Variants in ADAMTS9 observed in about 807,000 individuals in gnomAD.
ADAMTS9 encodes ADAM metallopeptidase with thrombospondin type 1 motif 9, also known as A disintegrin and metalloproteinase with thrombospondin motifs 9.
Under a neutral mutation model 257.1 loss-of-function variants are expected in ADAMTS9, and 107 were observed. That is an observed-to-expected ratio of 0.42 (90% CI 0.36 to 0.49). ADAMTS9 has a LOEUF of 0.49. Among genes scored for constraint, ADAMTS9 ranks in the 20% least tolerant of loss-of-function variants. The pLI is 0.03. For missense variants in ADAMTS9, 2,353 were observed against 2,469.1 expected (o/e 0.95, Z 1.00); for synonymous variants, 982 against 880.9 (o/e 1.11, Z -2.03).
intron 11 of ADAMTS9, among the ~76,000 whole-genome samples, chr3:64,642,892 G>T (rs934190763): frequency 1.3e-5 from 2 of 152,150 alleles, no homozygotes; most frequent in African/African-American, 2.4e-5. Context: ...AGGCCAGGGG[G>T]TGGGGCAGTA....
At chr3:64,675,005 CTCAAA>C (rs565736375) in intron 3 of ADAMTS9, among the ~76,000 whole-genome samples, 1 of 152,162 alleles carries the variant, frequency 6.6e-6, no homozygotes, top group Non-Finnish European at 1.5e-5. Flanking sequence ...AGCAGCCTTC[CTCAAA>C]TCAAATCAAA....
At chr3:64,605,691 T>C (rs1407348245) in intron 23 of ADAMTS9, among the ~76,000 whole-genome samples, 1 of 152,186 alleles carries the variant, frequency 6.6e-6, no homozygotes, top group Non-Finnish European at 1.5e-5. Flanking sequence ...TCAAGGCCCA[T>C]ATAGAATAGT....
At chr3:64,658,883 G>C (rs1034801635) in intron 3 of ADAMTS9, 92 bp from the exon 4 acceptor site, 4 of 1,360,772 alleles carry the variant, frequency 2.9e-6, no homozygotes, top group Non-Finnish European at 4.0e-6. Flanking sequence ...TGATCCCTCT[G>C]TGGTCAAACT....
rs1253506993 is a variant in ADAMTS9, at chr3:64,541,829, C to T, written c.5197+9G>A. ...GCTAAAGAAAGATAACTTCAGTTGG[C>T]CAACTTACAGTTATAGACATTACGG... On this transcript the variant is annotated intron_variant, in intron 33 of 39. Transcript: ENST00000498707. 14 of 1,613,932 alleles carry T rather than the reference C, an allele frequency of 8.7e-6. No homozygotes were observed. The highest frequency in any genetic ancestry group is 1.2e-5 in the Non-Finnish European group (14 of 1,179,938).
chr3:64,633,617 G>A lies in ADAMTS9; in HGVS notation c.2039-9C>T. 6.2e-7 allele frequency: 1 copy of A among 1,614,042 alleles called. No homozygotes were observed. The highest frequency in any genetic ancestry group is 8.5e-7 in the Non-Finnish European group (1 of 1,180,008). On this transcript the variant is annotated splice_polypyrimidine_tract_variant and intron_variant, in intron 13 of 39. Transcript: ENST00000498707. ...CCGGTCCTTCATCAGAACTAGAGAG[G>A]AGAAACAATACAACTTGACTTTTGT...
At chr3:64,559,836 CAGT>C (rs1376996751) in intron 30 of ADAMTS9, among the ~76,000 whole-genome samples, 1 of 152,214 alleles carries the variant, frequency 6.6e-6, no homozygotes, top group African/African-American at 2.4e-5. Context: ...AAAGCACAAG[CAGT>C]CAGCTTAGAT....
chr3:64,520,584 C>G (rs1338070964), intron 39 of ADAMTS9, among the ~76,000 whole-genome samples: 1 of 152,094 alleles, frequency 6.6e-6, no homozygotes, highest in African/African-American at 2.4e-5. Context: ...CAGCATGGTA[C>G]TGGTACTAAA....
At chr3:64,535,919 A>G (rs983808166) in intron 37 of ADAMTS9, among the ~76,000 whole-genome samples, 5 of 151,878 alleles carry the variant, frequency 3.3e-5, no homozygotes, top group African/African-American at 1.2e-4. Context: ...CAAAGTGCCC[A>G]GGCCATCCTA....
At chr3:64,634,483 G>C (rs973554109) in intron 12 of ADAMTS9, among the ~76,000 whole-genome samples, 3 of 152,232 alleles carry the variant, frequency 2.0e-5, no homozygotes, top group Non-Finnish European at 4.4e-5. Context: ...CTTAAGAGGA[G>C]AAGCAGGAAA....
intron 3 of ADAMTS9, among the ~76,000 whole-genome samples, chr3:64,673,226 A>G (rs1185314071): frequency 1.3e-5 from 2 of 152,180 alleles, no homozygotes; most frequent in African/African-American, 4.8e-5. Context: ...GAACATCACA[A>G]TGACAGCCAT....
rs1477328249 is a variant in ADAMTS9 at position 64,658,496 on chromosome 3, A to G, written c.969+6T>C. ...TCATAAATCACCTTCGTTTGAATGTACTTACAATTGACATTAAAGTTAAAA... is the reference window on the plus strand; with the variant it reads ...TCATAAATCACCTTCGTTTGAATGTGCTTACAATTGACATTAAAGTTAAAA... On this transcript the variant is annotated splice_donor_region_variant and intron_variant, in intron 4 of 39. Coordinates refer to ENST00000498707, the MANE Select transcript of ADAMTS9 (RefSeq NM_182920.2). 6.2e-7 allele frequency: 1 copy of G among 1,608,546 alleles called. No individual in the cohort carries two copies. The highest frequency in any genetic ancestry group is 1.1e-5 in the South Asian group (1 of 90,518).
intron 26 of ADAMTS9, among the ~76,000 whole-genome samples, chr3:64,598,167 T>C (rs934669453): frequency 6.6e-6 from 1 of 152,224 alleles, no homozygotes; most frequent in African/African-American, 2.4e-5. Flanking sequence ...TTTCATTTTA[T>C]ATTGGGTTTA....
At chr3:64,608,825 C>A (rs746953896) in intron 22 of ADAMTS9, among the ~76,000 whole-genome samples, 7 of 150,810 alleles carry the variant, frequency 4.6e-5, no homozygotes, top group Non-Finnish European at 8.9e-5. Flanking sequence ...CCGAAGACAA[C>A]ACACACACAC....
intron 32 of ADAMTS9, among the ~76,000 whole-genome samples, chr3:64,544,905 C>T (rs550739526): frequency 2.3e-3 from 349 of 152,180 alleles, no homozygotes; most frequent in Non-Finnish European, 4.3e-3. Flanking sequence ...GAAGAACTTA[C>T]ACAAATTTAC....
chr3:64,604,251 C>A lies in ADAMTS9; in HGVS notation c.3555G>T (p.Gln1185His), dbSNP rs754796003. 3 of 1,613,462 alleles carry A rather than the reference C, an allele frequency of 1.9e-6. No homozygotes were observed. Among genetic ancestry groups the A allele is most frequent in the Non-Finnish European group, 2.5e-6 (3 of 1,179,812 alleles). The change falls in exon 24 of 40, where the codon CAG becomes CAT. Residue 1185 changes from glutamine (Q) to histidine (H), a missense_variant. This residue lies in a region of ADAMTS9 where 1,402 missense variants were observed against 1,441.4 expected (regional missense o/e 0.97). Coordinates refer to ENST00000498707, the MANE Select transcript of ADAMTS9 (RefSeq NM_182920.2). Reference protein sequence around the residue: ...RRSTYSAPRTQWRFGSWTPCS... With the variant: ...RRSTYSAPRTHWRFGSWTPCS... ...CTGGGGTCCAAGACCCAAATCGCCA[C>A]TGGGTTCTTGGTGCACTGTATGTGC...
chr3:64,599,235 C>G (rs1266981141), intron 26 of ADAMTS9, among the ~76,000 whole-genome samples: 1 of 152,152 alleles, frequency 6.6e-6, no homozygotes, highest in African/African-American at 2.4e-5. Context: ...TCTAATTTTG[C>G]CATTATTTGA....
chr3:64,524,934 T>C (rs1245701208), intron 38 of ADAMTS9, among the ~76,000 whole-genome samples: 1 of 152,226 alleles, frequency 6.6e-6, no homozygotes, highest in Admixed American at 6.5e-5. Flanking sequence ...TCTCTCCCTC[T>C]CTGTGCATAC....
chr3:64,641,244 A>AT (rs1700630076), intron 12 of ADAMTS9, among the ~76,000 whole-genome samples: 1 of 102,298 alleles, frequency 9.8e-6, no homozygotes, highest in Non-Finnish European at 2.0e-5. Flanking sequence ...TTAGTGTGCT[A>AT]TCTTTTTTTT....
At chr3:64,554,673 G>C (rs1347974814) in intron 30 of ADAMTS9, among the ~76,000 whole-genome samples, 1 of 152,152 alleles carries the variant, frequency 6.6e-6, no homozygotes. Context: ...AACACCACCA[G>C]CCTCCTTGCA....
Sources: gnomAD v4.1 joint callset for allele counts (sites outside exome capture counted in the v4.1 genomes callset) on GRCh38, gnomAD v4.1.1 for gene constraint, gnomAD v4.1.1 regional missense constraint, MANE v1.5 for transcripts, NCBI Gene and HGNC (gene_info 2026-07-23, HGNC 2026-07-21) for gene names.